Variants in RASSF4 observed in about 807,000 individuals in gnomAD.
RASSF4 encodes ras association domain-containing protein 4.
A neutral mutation model predicts 41.1 loss-of-function variants in RASSF4; 38 were observed. The observed-to-expected ratio is 0.92, with a 90% confidence interval of 0.71 to 1.21. RASSF4 has a LOEUF of 1.21. Among genes scored for constraint, RASSF4 ranks in the 50% most tolerant of loss-of-function variants. The pLI is 0.00. For synonymous variants in RASSF4, 179 were observed against 163.4 expected (o/e 1.10, Z -0.73); for missense variants, 414 against 419.4 (o/e 0.99, Z 0.11).
rs1311942644 is a variant in RASSF4 at position 44,994,355 on chromosome 10, T to A, written c.*1026T>A. On this transcript the variant is annotated 3_prime_UTR_variant, in exon 11 of 11. Transcript: ENST00000340258. ...GAAACTATGCAACAGTTTACATCAG[T>A]CATGTGAAGTATTTGTCTAAAACAG... The A allele has an allele frequency of 1.3e-5, 2 of 152,664 alleles. No individual in the cohort carries two copies. Among genetic ancestry groups the A allele is most frequent in the African/African-American group, 4.8e-5 (2 of 41,464 alleles). 9.5% of individuals were successfully genotyped at this position (152,664 alleles called of 1,614,324 possible).
chr10:44,991,015 G>T lies in RASSF4; in HGVS notation c.753G>T (p.Lys251Asn), dbSNP rs1842089848. The part of the protein sequence containing the change: ...ISRILHGPCE[K>N]IARIFLMEAD... ...GAATCCTGCATGGGCCATGTGAGAA[G>T]ATCGCCAGGATCTTCCTGATGGAAG... is the stretch of plus-strand genomic sequence containing the variant. The change falls in exon 9 of 11, where the codon AAG (lysine) becomes AAT (asparagine). Residue 251 changes from lysine to asparagine, a missense_variant. Coordinates refer to ENST00000340258, the MANE Select transcript of RASSF4 (RefSeq NM_032023.4). 2 of 1,613,808 alleles carry T rather than the reference G, an allele frequency of 1.2e-6. No homozygotes were observed. The highest frequency in any genetic ancestry group is 1.7e-6 in the Non-Finnish European group (2 of 1,179,826).
intron 3 of RASSF4, among the ~76,000 whole-genome samples, chr10:44,979,837 A>G (rs1227562299): frequency 6.6e-6 from 1 of 152,024 alleles, no homozygotes; most frequent in Admixed American, 6.5e-5. Flanking sequence ...CTTCTGCTTC[A>G]AAGGATCGCT....
At chr10:44,971,486 G>T in intron 2 of RASSF4, 1 of 606,236 alleles carries the variant, frequency 1.6e-6, no homozygotes. Flanking sequence ...CCTTACCTGT[G>T]ATAGTGAAAG....
At chr10:44,983,033 T>G (rs1284653292) in intron 4 of RASSF4, 1 of 496,862 alleles carries the variant, frequency 2.0e-6, no homozygotes, top group Non-Finnish European at 3.9e-6. Context: ...CTCTTACTAC[T>G]CTGTTTTCAT....
intron 3 of RASSF4, among the ~76,000 whole-genome samples, chr10:44,972,325 T>G (rs1220362220): frequency 1.3e-5 from 2 of 152,198 alleles, no homozygotes; most frequent in Non-Finnish European, 2.9e-5. Flanking sequence ...CACAGGGGCT[T>G]ATAGGCTCAG....
Position 44,989,340 on chromosome 10 carries a change from C to G in RASSF4, c.598C>G (p.Leu200Val). ...NVRVNSTMTT[L>V]QVLTLLLNKF... is the part of the protein sequence containing the mutation. The stretch of plus-strand genomic sequence containing the variant: ...GAGGGTCAACAGCACCATGACAACC[C>G]TGCAGGTGCTCACCCTGCTGCTGAA... Residue 200 changes from leucine (L) to valine (V), a missense_variant, in exon 7 of 11, where the codon CTG (leucine) becomes GTG (valine). Transcript: ENST00000340258. 1 of 1,613,822 alleles carries G rather than the reference C, an allele frequency of 6.2e-7. No individual in the cohort carries two copies. The highest frequency in any genetic ancestry group is 8.5e-7 in the Non-Finnish European group (1 of 1,179,686).
chr10:44,982,102 C>T (rs370866351), intron 3 of RASSF4: 171 of 263,370 alleles, frequency 6.5e-4, no homozygotes, highest in African/African-American at 3.8e-3. Flanking sequence ...GGGACCCTGC[C>T]GGGCCTGGTG....
intron 3 of RASSF4, among the ~76,000 whole-genome samples, chr10:44,980,469 C>T (rs3758402): frequency 0.71 from 107,597 of 152,060 alleles, 38,223 homozygotes; most frequent in African/African-American, 0.77. Flanking sequence ...GGCGGCTATG[C>T]TGGGGGCACA....
intron 3 of RASSF4, chr10:44,977,440 A>ACTG: frequency 6.2e-7 from 1 of 1,610,070 alleles, no homozygotes. Context: ...TTCTGAGGAC[A>ACTG]CTGCTGGGGC....
At chr10:44,972,724 G>A (rs549223275) in intron 3 of RASSF4, among the ~76,000 whole-genome samples, 3 of 152,352 alleles carry the variant, frequency 2.0e-5, no homozygotes, top group Admixed American at 6.5e-5. Context: ...TATTTGTACC[G>A]CCTAATGGCA....
intron 3 of RASSF4, chr10:44,982,187 A>C: frequency 5.7e-6 from 2 of 352,826 alleles, no homozygotes; most frequent in Non-Finnish European, 1.0e-5. Flanking sequence ...TGGCATGAGC[A>C]GACAGGCTGT....
At chr10:44,978,058 G>T in intron 3 of RASSF4, 2 of 1,588,474 alleles carry the variant, frequency 1.3e-6, no homozygotes, top group Non-Finnish European at 1.7e-6. Context: ...GTGGCAACCT[G>T]TTGGGAAACA....
intron 4 of RASSF4, chr10:44,983,240 T>C: frequency 3.1e-6 from 1 of 320,934 alleles, no homozygotes; most frequent in South Asian, 2.6e-5. Flanking sequence ...TAGTAACTCC[T>C]GTAGAGGGCA....
At chr10:44,990,797 C>A in intron 8 of RASSF4, 151 bp from the exon 9 acceptor site, 2 of 664,654 alleles carry the variant, frequency 3.0e-6, no homozygotes, top group South Asian at 5.1e-5. Context: ...TCTGCATGAG[C>A]AGGAATCTCT....
intron 3 of RASSF4, chr10:44,978,002 G>C (rs540609070): frequency 6.2e-7 from 1 of 1,611,012 alleles, no homozygotes; most frequent in South Asian, 1.1e-5. Flanking sequence ...GGGCAGATGG[G>C]CCACGGAGAG....
rs1296839440 is a variant in RASSF4 at position 44,984,816 on chromosome 10, C to A, written c.377C>A (p.Pro126His). 2 of 1,613,492 alleles carry A rather than the reference C, an allele frequency of 1.2e-6. No homozygotes were observed. The highest frequency in any genetic ancestry group is 1.7e-5 in the Admixed American group (1 of 60,026). Residue 126 changes from proline to histidine, a missense_variant, in exon 6 of 11, where the codon CCC (proline) becomes CAC (histidine). Coordinates refer to ENST00000340258, the MANE Select transcript of RASSF4 (RefSeq NM_032023.4). ...KAESSTDSSG[P>H]LEEAEEAPQL... The stretch of plus-strand genomic sequence containing the variant: ...CTCTCACCCATTTCTCATGCAGGGC[C>A]CCTGGAGGAGGCAGAGGAGGCCCCC...
At chr10:44,985,094 G>C (rs1841871486) in intron 6 of RASSF4, 124 bp downstream of exon 6, 1 of 1,092,056 alleles carries the variant, frequency 9.2e-7, no homozygotes, top group Non-Finnish European at 1.3e-6. Flanking sequence ...GGAAAAACCA[G>C]GTTGCATCCA....
chr10:44,991,635 A>G (rs537910997), intron 9 of RASSF4, among the ~76,000 whole-genome samples: 1 of 152,300 alleles, frequency 6.6e-6, no homozygotes, highest in African/African-American at 2.4e-5. Context: ...AGGGCACCCA[A>G]TGTGACAATG....
chr10:44,969,262 C>T (rs922054419), intron 1 of RASSF4, among the ~76,000 whole-genome samples: 1 of 151,994 alleles, frequency 6.6e-6, no homozygotes, highest in Non-Finnish European at 1.5e-5. Context: ...CGAGAAAGCT[C>T]TGGTGGATTT....
Sources: allele counts gnomAD v4.1 joint callset (sites outside exome capture counted in the v4.1 genomes callset), GRCh38; gene constraint gnomAD v4.1.1; transcripts MANE v1.5; gene names NCBI Gene and HGNC (gene_info 2026-07-23, HGNC 2026-07-21).